SEC16A: variants seen among roughly 807,000 people sequenced by gnomAD.
SEC16A encodes protein transport protein Sec16A.
SEC16A carries 110 observed loss-of-function variants against 221.9 expected under a neutral mutation model. The ratio of observed to expected loss-of-function variants is 0.50; its 90% CI spans 0.42 to 0.58. The LOEUF is 0.58. Among genes scored for constraint, SEC16A ranks in the 20% least tolerant of loss-of-function variants. SEC16A has a pLI of 0.00. For missense variants in SEC16A, 3,165 were observed against 3,097.8 expected (o/e 1.02, Z -0.52); for synonymous variants, 1,393 against 1,257.7 (o/e 1.11, Z -2.28).
intron 29 of SEC16A, 85 bp from the exon 30 acceptor site, chr9:136,445,196 C>T: frequency 8.2e-7 from 1 of 1,219,834 alleles, no homozygotes; most frequent in Non-Finnish European, 1.2e-6. Flanking sequence ...AGTTCCATTT[C>T]AAAAGCTTTG....
chr9:136,474,880 A>C lies in SEC16A; in HGVS notation c.2736T>G (p.Gly912=). The C allele has an allele frequency of 6.2e-7, 1 of 1,613,902 alleles. No individual in the cohort carries two copies. Among genetic ancestry groups the C allele is most frequent in the Non-Finnish European group, 8.5e-7 (1 of 1,179,892 alleles). ...VAQSNFPQGS[G]ASEMVSNQPA... is the part of the protein sequence containing the mutation. ...GCTGATTAGAAACCATTTCGGAAGC[A>C]CCAGAACCTTGTGGAAAATTACTTT... Residue 912 remains glycine (G), a synonymous_variant, in exon 3 of 32, where the codon GGT becomes GGG. Transcript: ENST00000684901.
At position 136,468,427 on chromosome 9, in the gene SEC16A, A is replaced by C; in HGVS notation, c.3790T>G (p.Tyr1264Asp). 5 of 1,610,472 alleles carry C rather than the reference A, an allele frequency of 3.1e-6. No individual in the cohort carries two copies. The highest frequency in any genetic ancestry group is 2.5e-6 in the Non-Finnish European group (3 of 1,176,860). Reference sequence around the variant, plus strand: ...TTCCTTGACATACCTCCATAATCGTACTGGCTGGAGTAATAGCTTGCATAG... The same window carrying C: ...TTCCTTGACATACCTCCATAATCGTCCTGGCTGGAGTAATAGCTTGCATAG... ...DYYASYYSSQ[Y>D]DYGDPGHWDR... The change falls in exon 5 of 32, where the codon TAC becomes GAC. Residue 1264 changes from tyrosine to aspartate, a missense_variant. Tyr to Asp is a radical substitution (Grantham distance 160). This residue lies in a region of SEC16A where 2,030 missense variants were observed against 1,923.1 expected (regional missense o/e 1.06). Transcript: ENST00000684901.
At position 136,467,348 on chromosome 9, in the gene SEC16A, ATTTC is replaced by A. The variant is rs546812296; in HGVS notation, c.3803-269_3803-266del. Among the ~76,000 whole-genome samples the A allele has an allele frequency of 9.2e-5, 14 of 152,186 alleles. No homozygotes were observed. The South Asian group carries it at 2.7e-3, about 29-fold the overall frequency. ...ATATTTTTAGAAAAGGTGCTAAAAG[ATTTC>A]TTTATTAAGTCCTTTTTCTTCTTCT... On this transcript the variant is annotated intron_variant, in intron 5 of 31. Coordinates refer to ENST00000684901, the MANE Select transcript of SEC16A (RefSeq NM_014866.2).
intron 20 of SEC16A, among the ~76,000 whole-genome samples, 172 bp downstream of exon 20, chr9:136,455,429 A>C (rs2132136196): frequency 6.6e-6 from 1 of 152,248 alleles, no homozygotes; most frequent in East Asian, 1.9e-4. Flanking sequence ...GGAAGCATGA[A>C]GGGAAGAGGG....
intron 1 of SEC16A, among the ~76,000 whole-genome samples, chr9:136,479,611 C>G (rs1055741333): frequency 1.3e-5 from 2 of 152,174 alleles, no homozygotes; most frequent in Non-Finnish European, 2.9e-5. Context: ...CTCGGCCTCC[C>G]AAAGTGCTGG....
chr9:136,461,724 G>T (rs527675597), intron 12 of SEC16A, among the ~76,000 whole-genome samples: 2 of 152,244 alleles, frequency 1.3e-5, no homozygotes, highest in East Asian at 3.9e-4. Context: ...CTTCTGGCTG[G>T]GAGGCAAAAA....
At chr9:136,462,465 A>G (rs1040453666) in intron 12 of SEC16A, among the ~76,000 whole-genome samples, 5 of 151,934 alleles carry the variant, frequency 3.3e-5, no homozygotes, top group Non-Finnish European at 7.4e-5. Context: ...TGGCCTTTCC[A>G]TGCACTGCGC....
At chr9:136,457,334 T>G in intron 18 of SEC16A, 110 bp downstream of exon 18, 1 of 1,265,282 alleles carries the variant, frequency 7.9e-7, no homozygotes, top group Non-Finnish European at 1.1e-6. Context: ...TCTGAGCGCC[T>G]ACCACAATGC....
chr9:136,457,553 G>A lies in SEC16A; in HGVS notation c.5441C>T (p.Ala1814Val), dbSNP rs367857932. 56 of 1,610,902 alleles carry A rather than the reference G, an allele frequency of 3.5e-5. No individual in the cohort carries two copies. Among genetic ancestry groups the A allele is most frequent in the South Asian group, 1.7e-4 (15 of 90,502 alleles). ...GGCTTGCGTGGCCAGCCCCATTTCC[G>A]CCAGGCGGCAGGAGTAGATGAACTT... is the stretch of plus-strand genomic sequence containing the variant. Reference protein sequence around the residue: ...VFKFIYSCRLAEMGLATQAFH... With the variant: ...VFKFIYSCRLVEMGLATQAFH... Residue 1814 changes from alanine (A) to valine (V), a missense_variant, in exon 18 of 32, where the codon GCG becomes GTG. Ala to Val is a moderately conservative substitution (Grantham distance 64). Around this residue, in one of 3 missense-constraint regions of SEC16A, gnomAD observed 1,088 missense variants for 1,089.6 expected, o/e 1.00. Transcript: ENST00000684901.
Position 136,447,760 on chromosome 9 carries a change from AG to A in SEC16A, c.6448-81del. 6.5e-7 allele frequency: 1 copy of A among 1,537,814 alleles called. No homozygotes were observed. Among genetic ancestry groups the A allele is most frequent in the Non-Finnish European group, 8.9e-7 (1 of 1,119,634 alleles). ...GATGGCACAGTCAGGAGGCTCCAAA[AG>A]GGGCAACAGCCACCCAAATATCACA... On this transcript the variant is annotated intron_variant, in intron 25 of 31. Transcript: ENST00000684901. The surrounding 1 kb of genome is among the most constrained non-coding windows in gnomAD (Gnocchi z 5.5).
intron 4 of SEC16A, among the ~76,000 whole-genome samples, chr9:136,470,321 C>T (rs115189185): frequency 0.043 from 6,478 of 152,284 alleles, 373 homozygotes; most frequent in African/African-American, 0.13. Flanking sequence ...CTCCGTAGCA[C>T]GAGCCACCAC....
intron 30 of SEC16A, among the ~76,000 whole-genome samples, chr9:136,444,354 C>T (rs1836650637): frequency 6.6e-6 from 1 of 152,216 alleles, no homozygotes; most frequent in South Asian, 2.1e-4. Flanking sequence ...ACATTGGCCG[C>T]AGGTCACTGC....
At chr9:136,448,551 A>C in intron 23 of SEC16A, 1 of 702,890 alleles carries the variant, frequency 1.4e-6, no homozygotes, top group Non-Finnish European at 2.6e-6. Flanking sequence ...CAGAGACGCC[A>C]GGAGGATGGA....
chr9:136,468,345 G>T, intron 5 of SEC16A, 70 bp downstream of exon 5: 2 of 926,630 alleles, frequency 2.2e-6, no homozygotes, highest in South Asian at 1.4e-5. Flanking sequence ...GCTGGCCAGG[G>T]CTGCATGTCA....
chr9:136,460,911 T>C (rs1839387073), intron 13 of SEC16A, among the ~76,000 whole-genome samples: 1 of 152,028 alleles, frequency 6.6e-6, no homozygotes, highest in Non-Finnish European at 1.5e-5. Context: ...AAACTCAAAA[T>C]TTAAAAAAAG....
In SEC16A at chr9:136,475,226, A is replaced by G. The variant is rs1841460507; in HGVS notation, c.2390T>C (p.Met797Thr). 6.2e-7 allele frequency: 1 copy of G among 1,613,512 alleles called. No homozygotes were observed. The highest frequency in any genetic ancestry group is 8.5e-7 in the Non-Finnish European group (1 of 1,179,854). Residue 797 changes from methionine to threonine, a missense_variant, in exon 3 of 32, where the codon ATG (methionine) becomes ACG (threonine). Physicochemically the swap from Met to Thr is moderately conservative, Grantham distance 81 (BLOSUM62 -1). Around this residue, in one of 3 missense-constraint regions of SEC16A, gnomAD observed 2,030 missense variants for 1,923.1 expected, o/e 1.06. Transcript: ENST00000684901. The surrounding 1 kb of genome is among the most constrained non-coding windows in gnomAD (Gnocchi z 5.0). ...ASENLENPPKMGEEEALQSQA... is the reference protein window; with the variant it reads ...ASENLENPPKTGEEEALQSQA... The stretch of plus-strand genomic sequence containing the variant: ...GGACTGAAGGGCCTCCTCCTCTCCC[A>G]TTTTGGGAGGATTCTCAAGGTTCTC...
Position 136,475,855 on chromosome 9 carries a change from G to A in SEC16A, c.1761C>T (p.Ser587=), listed in dbSNP as rs375103220. The change falls in exon 3 of 32, where the codon AGC becomes AGT. Residue 587 remains serine (S), a synonymous_variant. Transcript: ENST00000684901. This position sits in a 1 kb window ranked among gnomAD's most constrained non-coding sequence, Gnocchi z 5.0. ...ETTVSQNYRG[S]VSQPSTPSPP... ...GGCTCGGGGTTGAGGGCTGGGACAC[G>A]CTGCCACGGTAATTCTGGCTCACAG... The A allele has an allele frequency of 5.2e-5, 82 of 1,592,104 alleles. No homozygotes were observed. The East Asian group carries it at 8.0e-4, about 15-fold the overall frequency.
In SEC16A at chr9:136,440,414, CAG is replaced by C. The variant is rs1836064648; in HGVS notation, c.*1339_*1340del. On this transcript the variant is annotated 3_prime_UTR_variant, in exon 32 of 32. Transcript: ENST00000684901. ...GTCTGGGCTAAATGATCAAGTGAAA[CAG>C]AAAGCCAGGAAGGATCTGTGCTAAT... 1 of 152,572 alleles carries C rather than the reference CAG, an allele frequency of 6.6e-6. No individual in the cohort carries two copies. The highest frequency in any genetic ancestry group is 1.5e-5 in the Non-Finnish European group (1 of 68,044). The allele number at this position is 152,572 out of a possible 1,614,324, so 9.5% of individuals were successfully genotyped here. A position where few individuals can be genotyped will look rare whatever the true frequency, so the allele number is the denominator to read the frequency against.
chr9:136,476,445 T>C lies in SEC16A; in HGVS notation c.1171A>G (p.Lys391Glu), dbSNP rs1045010076. ...TCCGCTTGACCAGATAAGCCTGCTTTTTCAGATGAGAGATTCTCCTCATTT... is the reference window on the plus strand; with the variant it reads ...TCCGCTTGACCAGATAAGCCTGCTTCTTCAGATGAGAGATTCTCCTCATTT... The part of the protein sequence containing the change: ...TENEENLSSE[K>E]AGLSGQADFD... The change falls in exon 3 of 32, where the codon AAA becomes GAA. Residue 391 changes from lysine (K) to glutamate (E), a missense_variant. Around this residue, in one of 3 missense-constraint regions of SEC16A, gnomAD observed 2,030 missense variants for 1,923.1 expected, o/e 1.06. Coordinates refer to ENST00000684901, the MANE Select transcript of SEC16A (RefSeq NM_014866.2). 1.9e-6 allele frequency: 3 copies of C among 1,612,982 alleles called. No homozygotes were observed. Among genetic ancestry groups the C allele is most frequent in the Admixed American group, 1.7e-5 (1 of 59,984 alleles).
Sources: allele counts gnomAD v4.1 joint callset (sites outside exome capture counted in the v4.1 genomes callset), GRCh38; gene constraint gnomAD v4.1.1; regional missense constraint gnomAD v4.1.1; non-coding constraint Gnocchi (gnomAD v3.1); transcripts MANE v1.5; gene names NCBI Gene and HGNC (gene_info 2026-07-23, HGNC 2026-07-21).